CWC27: variants seen among roughly 807,000 people sequenced by gnomAD.
The protein encoded by CWC27 is spliceosome-associated protein CWC27 homolog.
In CWC27, 47 loss-of-function variants were observed where a neutral mutation model predicts 63.6. The observed-to-expected ratio is 0.74, with a 90% CI of 0.58 to 0.94. The LOEUF (loss-of-function observed/expected upper bound fraction) is 0.94, where lower values mean the gene tolerates loss of function less well. Ranked by LOEUF, CWC27 falls within the 40% of genes least tolerant of loss-of-function variation. The pLI is 0.00. For missense variants in CWC27, 495 were observed against 554.3 expected, an observed-to-expected ratio of 0.89 and a Z score of 1.07; for synonymous variants, 175 against 179.8, an observed-to-expected ratio of 0.97 and a Z score of 0.22.
intron 10 of CWC27, among the ~76,000 whole-genome samples, chr5:64,816,793 C>A (rs1032429194): frequency 2.0e-5 from 3 of 152,080 alleles, no homozygotes; most frequent in African/African-American, 7.2e-5. Context: ...GATGGGAATA[C>A]AGCAGGGAGG....
At chr5:64,970,895 T>TTTG (rs1378711825) in intron 11 of CWC27, among the ~76,000 whole-genome samples, 2 of 152,116 alleles carry the variant, frequency 1.3e-5, no homozygotes, top group East Asian at 1.9e-4. Flanking sequence ...ATTACTAGCA[T>TTTG]TCTTGATTAC....
intron 11 of CWC27, among the ~76,000 whole-genome samples, chr5:64,896,771 G>T (rs1347647750): frequency 6.6e-6 from 1 of 151,904 alleles, no homozygotes; most frequent in African/African-American, 2.4e-5. Flanking sequence ...AAGATGGCAT[G>T]AGAGATAGGA....
intron 9 of CWC27, among the ~76,000 whole-genome samples, chr5:64,802,631 G>T (rs1441174644): frequency 6.6e-6 from 1 of 152,060 alleles, no homozygotes; most frequent in East Asian, 1.9e-4. Context: ...GGTCTAGGAG[G>T]TGACTGATTC....
chr5:64,891,529 TA>T (rs1747237335), intron 11 of CWC27, among the ~76,000 whole-genome samples: 1 of 152,238 alleles, frequency 6.6e-6, no homozygotes, highest in African/African-American at 2.4e-5. Context: ...AATCTTTTGG[TA>T]AAGTAAGAGA....
intron 13 of CWC27, among the ~76,000 whole-genome samples, chr5:65,003,606 AT>A (rs1177562181): frequency 6.6e-6 from 1 of 152,084 alleles, no homozygotes; most frequent in Non-Finnish European, 1.5e-5. Context: ...AAATCCCTCA[AT>A]TTTTGTTTGT....
intron 10 of CWC27, among the ~76,000 whole-genome samples, chr5:64,814,018 T>A (rs1410728060): frequency 2.6e-5 from 4 of 152,044 alleles, no homozygotes; most frequent in African/African-American, 9.7e-5. Flanking sequence ...TGGCTTTGAA[T>A]GCAGCCCATC....
chr5:64,912,502 C>A (rs1747811404), intron 11 of CWC27, among the ~76,000 whole-genome samples: 1 of 150,836 alleles, frequency 6.6e-6, no homozygotes. Context: ...GGAAGTTAAA[C>A]CTAAAGAAAG....
At chr5:64,854,323 G>A (rs1746203272) in intron 10 of CWC27, among the ~76,000 whole-genome samples, 1 of 152,208 alleles carries the variant, frequency 6.6e-6, no homozygotes, top group Non-Finnish European at 1.5e-5. Flanking sequence ...GGATTGCTGG[G>A]CCATGTGGCC....
intron 2 of CWC27, among the ~76,000 whole-genome samples, chr5:64,781,447 G>C (rs1455941642): frequency 1.3e-5 from 2 of 152,084 alleles, no homozygotes; most frequent in Non-Finnish European, 2.9e-5. Context: ...TCTTTGCCAG[G>C]GTTTCTCAGT....
chr5:64,782,356 G>A (rs1004658226), intron 3 of CWC27, among the ~76,000 whole-genome samples: 8 of 152,066 alleles, frequency 5.3e-5, no homozygotes, highest in Non-Finnish European at 1.5e-5. Context: ...GCTGAGGCAG[G>A]AGAATTGCCT....
chr5:64,783,718 A>G (rs1476799818), intron 3 of CWC27, 118 bp from the exon 4 acceptor site: 3 of 829,454 alleles, frequency 3.6e-6, no homozygotes, highest in South Asian at 2.7e-5. Flanking sequence ...AAAATCAATT[A>G]AGTAAAATGT....
intron 11 of CWC27, among the ~76,000 whole-genome samples, chr5:64,939,434 T>C (rs1189677706): frequency 6.6e-6 from 1 of 152,236 alleles, no homozygotes; most frequent in East Asian, 1.9e-4. Flanking sequence ...TGCCTAGTTA[T>C]TACCAGTGGA....
At chr5:64,896,354 A>C (rs565221983) in intron 11 of CWC27, among the ~76,000 whole-genome samples, 1 of 152,344 alleles carries the variant, frequency 6.6e-6, no homozygotes, top group Non-Finnish European at 1.5e-5. Context: ...TAATACAAAG[A>C]GTTAGGAACA....
intron 10 of CWC27, among the ~76,000 whole-genome samples, chr5:64,805,891 G>T (rs1349501461): frequency 6.6e-6 from 1 of 152,054 alleles, no homozygotes; most frequent in Non-Finnish European, 1.5e-5. Flanking sequence ...ATTCTTAAAA[G>T]ATTTCCTTGG....
intron 10 of CWC27, among the ~76,000 whole-genome samples, chr5:64,838,215 G>A (rs1745707744): frequency 6.6e-6 from 1 of 152,114 alleles, no homozygotes; most frequent in African/African-American, 2.4e-5. Flanking sequence ...ACATACATAT[G>A]TACATTCACA....
chr5:64,856,271 A>G (rs1746256700), intron 10 of CWC27, among the ~76,000 whole-genome samples: 1 of 152,064 alleles, frequency 6.6e-6, no homozygotes, highest in Non-Finnish European at 1.5e-5. Flanking sequence ...TTATATTTTA[A>G]TTGAAGCTTT....
chr5:64,973,889 T>C (rs1749172510), intron 12 of CWC27, among the ~76,000 whole-genome samples: 1 of 152,094 alleles, frequency 6.6e-6, no homozygotes, highest in South Asian at 2.1e-4. Flanking sequence ...GTTTTCATTT[T>C]TCTTTGTGCT....
At chr5:65,010,324 G>A (rs1580780727) in intron 13 of CWC27, among the ~76,000 whole-genome samples, 2 of 152,176 alleles carry the variant, frequency 1.3e-5, no homozygotes, top group South Asian at 2.1e-4. Context: ...AGGATCAGAT[G>A]TGGGCAAAAC....
At chr5:64,785,971 TG>T (rs1743868225) in intron 5 of CWC27, among the ~76,000 whole-genome samples, 1 of 151,934 alleles carries the variant, frequency 6.6e-6, no homozygotes, top group Non-Finnish European at 1.5e-5. Context: ...GAGACCATCC[TG>T]ACTAACACAG....
Sources: allele counts gnomAD v4.1 joint callset (sites outside exome capture counted in the v4.1 genomes callset), GRCh38; gene constraint gnomAD v4.1.1; transcripts MANE v1.5; gene names NCBI Gene and HGNC (gene_info 2026-07-23, HGNC 2026-07-21).